Variants in CACNA1A observed in about 807,000 individuals in gnomAD.
CACNA1A encodes voltage-dependent P/Q-type calcium channel subunit alpha-1A.
In CACNA1A, 57 loss-of-function variants were observed where a neutral mutation model predicts 262.4. The observed-to-expected ratio is 0.22, with a 90% CI of 0.18 to 0.27. The LOEUF (loss-of-function observed/expected upper bound fraction) is 0.27, where lower values mean the gene tolerates loss of function less well. Among genes scored for constraint, CACNA1A ranks in the 10% least tolerant of loss-of-function variants. The probability of loss-of-function intolerance (pLI) is 1.00; values close to 1 mark genes in which losing one functional copy is unlikely to be tolerated. For synonymous variants in CACNA1A, 1,431 were observed against 1,419.3 expected, an observed-to-expected ratio of 1.01 and a Z score of -0.18; for missense variants, 2,526 against 3,562.8, an observed-to-expected ratio of 0.71 and a Z score of 7.41.
At chr19:13,318,872 T>A (rs2058185235) in intron 10 of CACNA1A, among the ~76,000 whole-genome samples, 1 of 150,514 alleles carries the variant, frequency 6.6e-6, no homozygotes, top group South Asian at 2.1e-4. Context: ...CAGATTGAAT[T>A]TACCTTCTAA....
At chr19:13,359,865 AC>A in intron 5 of CACNA1A, 66 bp from the exon 6 acceptor site, 2 of 1,068,806 alleles carry the variant, frequency 1.9e-6, no homozygotes, top group Non-Finnish European at 2.7e-6. Flanking sequence ...AGAAATAGGG[AC>A]CAGTGACTCT....
chr19:13,499,402 C>T (rs572587192), intron 1 of CACNA1A, among the ~76,000 whole-genome samples: 22 of 140,468 alleles, frequency 1.6e-4, no homozygotes, highest in Admixed American at 7.7e-4. Context: ...CTTTAAAGAG[C>T]GCCACGATCA....
intron 1 of CACNA1A, among the ~76,000 whole-genome samples, chr19:13,499,987 C>T (rs779325750): frequency 1.3e-5 from 2 of 152,038 alleles, no homozygotes; most frequent in Admixed American, 6.6e-5. Context: ...ATAAGCCCTA[C>T]GCACCCAACA....
chr19:13,208,399 G>T (rs1418168226), intron 46 of CACNA1A, among the ~76,000 whole-genome samples: 2 of 152,084 alleles, frequency 1.3e-5, no homozygotes, highest in African/African-American at 4.8e-5. Context: ...GCGTCCAGAG[G>T]ACAGAAATCA....
chr19:13,212,312 G>A lies in CACNA1A; in HGVS notation c.6189+72C>T, dbSNP rs867520823. 1.4e-5 allele frequency: 22 copies of A among 1,564,902 alleles called. No homozygotes were observed. In the East Asian group the frequency reaches 4.3e-4, roughly 30 times the overall value. On this transcript the variant is annotated intron_variant, in intron 42 of 46. Transcript: ENST00000360228. The surrounding 1 kb of genome is among the most constrained non-coding windows in gnomAD (Gnocchi z 5.6). ...AGGGAGCTGCAGGTGTGTGTGTGTG[G>A]GGGGCCCAGATCCCTTCCACCTGAA...
intron 30 of CACNA1A, among the ~76,000 whole-genome samples, chr19:13,251,001 G>T (rs1362309052): frequency 6.6e-6 from 1 of 151,430 alleles, no homozygotes; most frequent in African/African-American, 2.4e-5. Flanking sequence ...GCATGCTGGT[G>T]TGCATCTGTA....
At chr19:13,270,846 G>A (rs550401278) in intron 24 of CACNA1A, among the ~76,000 whole-genome samples, 31 of 152,240 alleles carry the variant, frequency 2.0e-4, no homozygotes, top group Admixed American at 1.6e-3. Flanking sequence ...CATGTCCGTC[G>A]GCTCTTCCAA....
intron 7 of CACNA1A, 113 bp from the exon 8 acceptor site, chr19:13,334,606 TGTGTTTG>T: frequency 1.6e-6 from 1 of 637,026 alleles, no homozygotes; most frequent in Non-Finnish European, 2.8e-6. Flanking sequence ...TGTGTGTGTG[TGTGTTTG>T]GGGATTCAGA....
chr19:13,453,096 C>T (rs868459895), intron 2 of CACNA1A, 81 bp from the exon 3 acceptor site: 9 of 1,420,636 alleles, frequency 6.3e-6, no homozygotes, highest in Non-Finnish European at 8.9e-6. Flanking sequence ...ACCTAGAAAT[C>T]AGTACCTATC....
intron 3 of CACNA1A, among the ~76,000 whole-genome samples, chr19:13,417,979 CG>C (rs1440306226): frequency 6.6e-6 from 1 of 151,682 alleles, no homozygotes; most frequent in African/African-American, 2.4e-5. Context: ...AGAGCTCTCC[CG>C]GCCCCATGTT....
At chr19:13,261,759 A>G (rs988950095) in intron 25 of CACNA1A, 149 bp from the exon 26 acceptor site, 6 of 705,926 alleles carry the variant, frequency 8.5e-6, no homozygotes, top group African/African-American at 7.1e-5. Context: ...AGGTCCCCCC[A>G]GCTTTCAGAA....
chr19:13,207,167 C>G lies in CACNA1A; in HGVS notation c.*146G>C, dbSNP rs1411238661. On this transcript the variant is annotated 3_prime_UTR_variant, in exon 47 of 47. Transcript: ENST00000360228. This position sits in a 1 kb window ranked among gnomAD's most constrained non-coding sequence, Gnocchi z 5.7. ...TCTGCGGGACACCCTTGTGGCCCAG[C>G]CCTGGCCTCTCCAGAGTCTGGGGTC... The G allele has an allele frequency of 2.2e-6, 2 of 916,852 alleles. No homozygotes were observed. Among genetic ancestry groups the G allele is most frequent in the Non-Finnish European group, 3.0e-6 (2 of 657,000 alleles). 56.8% of individuals were successfully genotyped at this position (916,852 alleles called of 1,614,324 possible).
At chr19:13,432,181 G>A (rs1384427686) in intron 3 of CACNA1A, among the ~76,000 whole-genome samples, 2 of 150,862 alleles carry the variant, frequency 1.3e-5, no homozygotes, top group Admixed American at 6.6e-5. Flanking sequence ...TTGGGAGGCC[G>A]AGGTGGGTGG....
intron 44 of CACNA1A, among the ~76,000 whole-genome samples, chr19:13,210,398 G>T (rs1241764487): frequency 1.3e-5 from 2 of 152,212 alleles, no homozygotes; most frequent in African/African-American, 2.4e-5. Context: ...GGGGGTAGGG[G>T]TGAGGATGGG....
chr19:13,239,697 A>T (rs2144666902), intron 31 of CACNA1A, among the ~76,000 whole-genome samples: 1 of 152,162 alleles, frequency 6.6e-6, no homozygotes, highest in South Asian at 2.1e-4. Flanking sequence ...AGGGGTGTGC[A>T]AGGGGCTGAG....
chr19:13,245,302 AG>A, intron 30 of CACNA1A, 37 bp from the exon 31 acceptor site: 1 of 1,570,732 alleles, frequency 6.4e-7, no homozygotes, highest in Non-Finnish European at 8.8e-7. Context: ...ATGCCAACAG[AG>A]GGCTTGGTTC....
chr19:13,351,729 C>T (rs1362552721), intron 6 of CACNA1A, among the ~76,000 whole-genome samples: 4 of 152,000 alleles, frequency 2.6e-5, no homozygotes, highest in East Asian at 1.9e-4. Context: ...AGGCTGGTCT[C>T]GAATTCCTGA....
chr19:13,293,572 G>A (rs112772308), intron 19 of CACNA1A, among the ~76,000 whole-genome samples: 3 of 144,822 alleles, frequency 2.1e-5, no homozygotes, highest in African/African-American at 7.7e-5. Flanking sequence ...TCAGCCTCCC[G>A]AGTAGCTGGG....
chr19:13,439,233 C>T (rs945774238), intron 3 of CACNA1A, among the ~76,000 whole-genome samples: 8 of 150,982 alleles, frequency 5.3e-5, no homozygotes, highest in African/African-American at 1.7e-4. Context: ...CTCAGCCTCC[C>T]GAGTAGCTGG....
Sources: allele counts gnomAD v4.1 joint callset (sites outside exome capture counted in the v4.1 genomes callset), GRCh38; gene constraint gnomAD v4.1.1; non-coding constraint Gnocchi (gnomAD v3.1); transcripts MANE v1.5; gene names NCBI Gene and HGNC (gene_info 2026-07-23, HGNC 2026-07-21).